CLVS1: variants seen among roughly 807,000 people sequenced by gnomAD.
CLVS1 encodes clavesin 1.
A neutral mutation model predicts 33.1 loss-of-function variants in CLVS1; 10 were observed. The ratio of observed to expected loss-of-function variants is 0.30; its 90% CI spans 0.19 to 0.51. The LOEUF (loss-of-function observed/expected upper bound fraction) is 0.51, where lower values mean the gene tolerates loss of function less well. CLVS1 is among the 20% of genes least tolerant of loss of function. The pLI is 0.97. For missense variants in CLVS1, 343 were observed against 433.4 expected, an observed-to-expected ratio of 0.79 and a Z score of 1.85; for synonymous variants, 163 against 166.1, an observed-to-expected ratio of 0.98 and a Z score of 0.14.
At chr8:61,333,041 C>G (rs1214293376) in intron 2 of CLVS1, among the ~76,000 whole-genome samples, 2 of 152,162 alleles carry the variant, frequency 1.3e-5, no homozygotes, top group Non-Finnish European at 2.9e-5. Context: ...TGATTCTGTT[C>G]TTGACGATGT....
At chr8:61,332,041 C>T (rs138710837) in intron 2 of CLVS1, among the ~76,000 whole-genome samples, 12 of 152,276 alleles carry the variant, frequency 7.9e-5, no homozygotes, top group Non-Finnish European at 1.3e-4. Context: ...CAGGGCAGCA[C>T]GCTAGCTTTG....
At chr8:61,038,441 A>G in the CLVS1 span, among the ~76,000 whole-genome samples, 3 of 146,266 alleles carry the variant, frequency 2.1e-5, 1 homozygote, top group Middle Eastern at 7.2e-3. Flanking sequence ...TCGTTTGTAT[A>G]TATATATATA....
chr8:61,128,526 C>T lies in CLVS1; in HGVS notation c.-242-3244C>T, dbSNP rs180943075. 8.9e-4 allele frequency among the ~76,000 whole-genome samples: 135 copies of T among 152,206 alleles called. 2 individuals carry two copies. In the South Asian group the frequency reaches 0.015, roughly 17 times the overall value. ...ACTGCAAGCTCCTGCAATGAGAAGC[C>T]CTGATTTGATAAGTCATGTAACATG... On this transcript the variant is annotated intron_variant, in intron 1 of 2. Transcript: ENST00000522621.
chr8:61,270,708 T>G (rs561379683), intron 2 of CLVS1, among the ~76,000 whole-genome samples: 1 of 152,320 alleles, frequency 6.6e-6, no homozygotes, highest in East Asian at 1.9e-4. Context: ...TATTGGTCTA[T>G]TCAGAGATTC....
intron 1 of CLVS1, among the ~76,000 whole-genome samples, chr8:61,088,506 AG>A (rs1231211223): frequency 6.6e-6 from 1 of 151,012 alleles, no homozygotes; most frequent in Non-Finnish European, 1.5e-5. Flanking sequence ...AAAAAAAAAA[AG>A]GAGCAATGTA....
intron 2 of CLVS1, among the ~76,000 whole-genome samples, chr8:61,206,041 T>C (rs1327582039): frequency 6.6e-6 from 1 of 152,200 alleles, no homozygotes; most frequent in Non-Finnish European, 1.5e-5. Flanking sequence ...AAAGTAAGTA[T>C]CTGTCAAGCG....
chr8:61,352,924 A>AC (rs1812530731), intron 2 of CLVS1, among the ~76,000 whole-genome samples: 1 of 152,110 alleles, frequency 6.6e-6, no homozygotes, highest in Non-Finnish European at 1.5e-5. Context: ...GGTTATATGT[A>AC]AATACTATAC....
At chr8:61,381,985 T>A (rs903104587) in intron 3 of CLVS1, among the ~76,000 whole-genome samples, 6 of 152,150 alleles carry the variant, frequency 3.9e-5, no homozygotes, top group Admixed American at 6.6e-5. Flanking sequence ...GAATGGTAAT[T>A]CTGTTTTTAG....
At chr8:60,995,842 A>G in the CLVS1 span, among the ~76,000 whole-genome samples, 1 of 152,212 alleles carries the variant, frequency 6.6e-6, no homozygotes, top group Admixed American at 6.5e-5. Flanking sequence ...ATAAAAAATG[A>G]TGAGTTCATG....
intron 3 of CLVS1, among the ~76,000 whole-genome samples, chr8:61,442,912 T>A (rs1816617799): frequency 6.6e-6 from 1 of 152,188 alleles, no homozygotes; most frequent in Non-Finnish European, 1.5e-5. Context: ...GGTGTCACTA[T>A]TTTTTTAAGC....
chr8:61,473,702 GA>G (rs1238104111), intron 5 of CLVS1, among the ~76,000 whole-genome samples: 1 of 152,158 alleles, frequency 6.6e-6, no homozygotes, highest in Non-Finnish European at 1.5e-5. Flanking sequence ...AATGTTTAGT[GA>G]ATAGAATAAA....
At chr8:61,210,633 G>T (rs1429094516) in intron 2 of CLVS1, among the ~76,000 whole-genome samples, 1 of 152,182 alleles carries the variant, frequency 6.6e-6, no homozygotes, top group Non-Finnish European at 1.5e-5. Context: ...AACCTTGTGA[G>T]CTTGGAAGAG....
chr8:61,182,489 AAAAC>A (rs1296690789), intron 2 of CLVS1, among the ~76,000 whole-genome samples: 11 of 152,330 alleles, frequency 7.2e-5, no homozygotes, highest in Admixed American at 1.3e-4. Context: ...TTATGAGAAA[AAAAC>A]AAACAACCCC....
chr8:61,406,831 A>G (rs1815010177), intron 3 of CLVS1, among the ~76,000 whole-genome samples: 1 of 151,966 alleles, frequency 6.6e-6, no homozygotes, highest in Non-Finnish European at 1.5e-5. Context: ...CTGGTCTCAA[A>G]CTCCTGCGCT....
At chr8:61,320,348 T>G (rs1374467483) in intron 2 of CLVS1, among the ~76,000 whole-genome samples, 2 of 152,112 alleles carry the variant, frequency 1.3e-5, no homozygotes, top group African/African-American at 4.8e-5. Flanking sequence ...TTATTTGCTA[T>G]TTTTCTGGCA....
chr8:61,439,063 T>C (rs966384829), intron 3 of CLVS1, among the ~76,000 whole-genome samples: 1 of 152,236 alleles, frequency 6.6e-6, no homozygotes, highest in Non-Finnish European at 1.5e-5. Flanking sequence ...TTGCCAAAGA[T>C]GTTGCTTTGA....
Position 61,101,043 on chromosome 8 carries a change from C to A in CLVS1, c.-242-30727C>A, listed in dbSNP as rs576177337. Among the ~76,000 whole-genome samples, 10 of 152,120 alleles carry A rather than the reference C, an allele frequency of 6.6e-5. No individual in the cohort carries two copies. The East Asian group carries it at 1.9e-3, about 29-fold the overall frequency. On this transcript the variant is annotated intron_variant, in intron 1 of 2. Transcript: ENST00000522621. Reference sequence around the variant, plus strand: ...TAATCCTGATATGGACACTTGTGTTCACATATTTTTATGTACAAATGTTTC... The same window carrying A: ...TAATCCTGATATGGACACTTGTGTTAACATATTTTTATGTACAAATGTTTC...
At chr8:61,487,953 G>T (rs1427004148) in intron 5 of CLVS1, among the ~76,000 whole-genome samples, 6 of 152,170 alleles carry the variant, frequency 3.9e-5, no homozygotes, top group Admixed American at 2.6e-4. Context: ...CAAAGTAACT[G>T]CACTGAGCAT....
intron 2 of CLVS1, among the ~76,000 whole-genome samples, chr8:61,148,336 C>T (rs1806458137): frequency 6.6e-6 from 1 of 152,208 alleles, no homozygotes; most frequent in African/African-American, 2.4e-5. Flanking sequence ...CTTATCAAAT[C>T]TGTGGTGACA....
Sources: allele counts gnomAD v4.1 joint callset (sites outside exome capture counted in the v4.1 genomes callset), GRCh38; gene constraint gnomAD v4.1.1; transcripts MANE v1.5; gene names NCBI Gene and HGNC (gene_info 2026-07-23, HGNC 2026-07-21).